CNTN5: variants seen among roughly 807,000 people sequenced by gnomAD.
The protein encoded by CNTN5 is contactin-5.
Under a neutral mutation model 129.1 loss-of-function variants are expected in CNTN5, and 77 were observed. The ratio of observed to expected loss-of-function variants is 0.60; its 90% CI spans 0.50 to 0.72. The LOEUF (loss-of-function observed/expected upper bound fraction) is 0.72, where lower values mean the gene tolerates loss of function less well. Among genes scored for constraint, CNTN5 ranks in the 30% least tolerant of loss-of-function variants. The pLI, the probability that CNTN5 is intolerant of heterozygous loss-of-function variation, is 0.00. For synonymous variants in CNTN5, 509 were observed against 465.6 expected (o/e 1.09, Z -1.20); for missense variants, 1,478 against 1,328.8 (o/e 1.11, Z -1.75).
intron 23 of CNTN5, among the ~76,000 whole-genome samples, chr11:100,346,642 C>G (rs4641430): frequency 0.047 from 7,145 of 152,154 alleles, 225 homozygotes; most frequent in Middle Eastern, 0.1. Context: ...AATAGCCTTT[C>G]CTAGATATAC....
At chr11:99,427,896 C>A (rs1046528857) in intron 2 of CNTN5, among the ~76,000 whole-genome samples, 1 of 151,532 alleles carries the variant, frequency 6.6e-6, no homozygotes, top group Non-Finnish European at 1.5e-5. Flanking sequence ...AATATCAAAC[C>A]CAATCTCTAG....
intron 13 of CNTN5, among the ~76,000 whole-genome samples, chr11:100,140,259 T>C (rs555518077): frequency 6.6e-6 from 1 of 152,314 alleles, no homozygotes; most frequent in South Asian, 2.1e-4. Context: ...CTTTGTATTT[T>C]TCTCCAGCTG....
intron 4 of CNTN5, among the ~76,000 whole-genome samples, chr11:99,844,011 TA>T (rs1197162793): frequency 2.0e-5 from 3 of 152,234 alleles, no homozygotes; most frequent in African/African-American, 7.2e-5. Flanking sequence ...TGACTTGGTC[TA>T]AAACTCAAGT....
chr11:99,790,580 A>G (rs918012271), intron 3 of CNTN5, among the ~76,000 whole-genome samples: 8 of 151,994 alleles, frequency 5.3e-5, no homozygotes. Context: ...CATTCATGGG[A>G]ATTTAGGTTG....
intron 3 of CNTN5, among the ~76,000 whole-genome samples, chr11:99,576,078 A>T (rs1949340385): frequency 6.6e-6 from 1 of 152,168 alleles, no homozygotes; most frequent in Admixed American, 6.5e-5. Context: ...AAGAGAAGGG[A>T]GACAAATAAA....
At chr11:100,333,947 A>T (rs542862253) in intron 21 of CNTN5, among the ~76,000 whole-genome samples, 60 of 152,338 alleles carry the variant, frequency 3.9e-4, no homozygotes, top group South Asian at 6.2e-4. Flanking sequence ...ACTTAATTAA[A>T]CTAAAAAGCT....
chr11:99,040,106 G>T (rs1208603413), intron 1 of CNTN5, among the ~76,000 whole-genome samples: 1 of 152,108 alleles, frequency 6.6e-6, no homozygotes, highest in African/African-American at 2.4e-5. Context: ...ATACAGACAT[G>T]TTGGACTATT....
At chr11:99,186,634 CA>C (rs1858365678) in intron 1 of CNTN5, among the ~76,000 whole-genome samples, 1 of 151,802 alleles carries the variant, frequency 6.6e-6, no homozygotes, top group South Asian at 2.1e-4. Context: ...TTCAAGAACA[CA>C]AAGTTAAAGA....
At chr11:100,319,158 T>C (rs11223623) in intron 21 of CNTN5, among the ~76,000 whole-genome samples, 20,050 of 149,580 alleles carry the variant, frequency 0.13, 1,456 homozygotes, top group East Asian at 0.33. Context: ...CTTTTCTTTT[T>C]TTTTTTTTTT....
intron 1 of CNTN5, among the ~76,000 whole-genome samples, chr11:99,121,031 A>G (rs1380125387): frequency 2.0e-5 from 3 of 152,174 alleles, no homozygotes; most frequent in Non-Finnish European, 4.4e-5. Flanking sequence ...GCTTGGGCTC[A>G]GCTTCAGTAG....
intron 4 of CNTN5, among the ~76,000 whole-genome samples, chr11:99,834,074 C>G (rs1006499988): frequency 6.6e-6 from 1 of 152,062 alleles, no homozygotes; most frequent in Non-Finnish European, 1.5e-5. Context: ...ATTTCATTAC[C>G]TATGTGGTAT....
intron 1 of CNTN5, among the ~76,000 whole-genome samples, chr11:99,269,547 A>C (rs1028756416): frequency 2.0e-4 from 30 of 151,856 alleles, no homozygotes; most frequent in African/African-American, 6.5e-4. Flanking sequence ...TGCGTGTGGC[A>C]AGGCAAGTAT....
intron 3 of CNTN5, among the ~76,000 whole-genome samples, chr11:99,726,497 A>G (rs979448297): frequency 1.3e-5 from 2 of 152,226 alleles, no homozygotes; most frequent in Admixed American, 1.3e-4. Flanking sequence ...TTGCTTGAGA[A>G]TTACTGTGGA....
chr11:100,308,382 G>C lies in CNTN5; in HGVS notation c.2644G>C (p.Val882Leu). The change falls in exon 21 of 25, where the codon GTC (valine) becomes CTC (leucine). Residue 882 changes from valine to leucine, a missense_variant. Transcript: ENST00000524871. ...AGAACCCAGTGCTGCTCCCACAGAT[G>C]TCAAGGCGACAAGTGTGTCTGTGTC... ...EGEPSAAPTD[V>L]KATSVSVSEI... is the part of the protein sequence containing the mutation. 1 of 1,610,934 alleles carries C rather than the reference G, an allele frequency of 6.2e-7. No homozygotes were observed.
At chr11:99,860,910 A>T (rs987131873) in intron 6 of CNTN5, among the ~76,000 whole-genome samples, 1 of 144,948 alleles carries the variant, frequency 6.9e-6, no homozygotes, top group Non-Finnish European at 1.5e-5. Context: ...CATTTTAATG[A>T]TATTGATTCT....
At chr11:100,095,065 T>C (rs545814445) in intron 13 of CNTN5, among the ~76,000 whole-genome samples, 3 of 152,264 alleles carry the variant, frequency 2.0e-5, no homozygotes, top group East Asian at 3.9e-4. Flanking sequence ...GCATCCATAT[T>C]GTAGCACGAT....
intron 13 of CNTN5, among the ~76,000 whole-genome samples, chr11:100,153,873 A>ATAAG (rs2138323039): frequency 6.6e-6 from 1 of 151,770 alleles, no homozygotes; most frequent in African/African-American, 2.4e-5. Context: ...TCTAGTGCAT[A>ATAAG]TAAGTTTCAA....
At chr11:99,828,531 A>G (rs1947039929) in intron 4 of CNTN5, among the ~76,000 whole-genome samples, 1 of 152,214 alleles carries the variant, frequency 6.6e-6, no homozygotes, top group African/African-American at 2.4e-5. Context: ...TAATGCTGTT[A>G]CAATATCAAT....
intron 1 of CNTN5, among the ~76,000 whole-genome samples, chr11:99,057,651 T>C (rs1333770684): frequency 6.6e-6 from 1 of 152,072 alleles, no homozygotes; most frequent in Non-Finnish European, 1.5e-5. Context: ...TACTTTGTGC[T>C]AGGCACTGTT....
Sources: allele counts gnomAD v4.1 joint callset (sites outside exome capture counted in the v4.1 genomes callset), GRCh38; gene constraint gnomAD v4.1.1; transcripts MANE v1.5; gene names NCBI Gene and HGNC (gene_info 2026-07-23, HGNC 2026-07-21).